RYR1: variants seen among roughly 807,000 people sequenced by gnomAD.
The protein encoded by RYR1 is ryanodine receptor 1.
In RYR1, 342 loss-of-function variants were observed where a neutral mutation model predicts 583.5. That is an observed-to-expected ratio of 0.59 (90% CI 0.54 to 0.64). The LOEUF (loss-of-function observed/expected upper bound fraction) is 0.64. Among genes scored for constraint, RYR1 ranks in the 30% least tolerant of loss-of-function variants. The probability of loss-of-function intolerance (pLI) is 0.00; values close to 1 mark genes in which losing one functional copy is unlikely to be tolerated. For missense variants in RYR1, 6,032 were observed against 6,917.2 expected, an observed-to-expected ratio of 0.87 and a Z score of 4.54; for synonymous variants, 2,791 against 2,822.5, an observed-to-expected ratio of 0.99 and a Z score of 0.35.
intron 29 of RYR1, 46 bp downstream of exon 29, chr19:38,475,496 A>C (rs565337672): frequency 6.2e-7 from 1 of 1,610,390 alleles, no homozygotes; most frequent in African/African-American, 1.3e-5. Flanking sequence ...CGCATAGCAT[A>C]GGCACTCCTG....
chr19:38,511,899 G>A (rs1265199206), intron 61 of RYR1, among the ~76,000 whole-genome samples, 173 bp from the exon 62 acceptor site: 1 of 152,094 alleles, frequency 6.6e-6, no homozygotes, highest in East Asian at 1.9e-4. Flanking sequence ...TTGGGCTGGG[G>A]AGGAGGGACA....
In RYR1 at chr19:38,561,533, C is replaced by T; in HGVS notation, c.12624+79C>T. On this transcript the variant is annotated intron_variant, in intron 90 of 105. Coordinates refer to ENST00000359596, the MANE Select transcript of RYR1 (RefSeq NM_000540.3). This position sits in a 1 kb window ranked among gnomAD's most constrained non-coding sequence, Gnocchi z 4.8. Reference sequence around the variant, plus strand: ...GTGCTCACTTCCTGCACCCTCAGACCCCACGGGGGCTGTGCGTGCCTCGCA... The same window carrying T: ...GTGCTCACTTCCTGCACCCTCAGACTCCACGGGGGCTGTGCGTGCCTCGCA... 3 of 1,369,404 alleles carry T rather than the reference C, an allele frequency of 2.2e-6. No individual in the cohort carries two copies. 84.8% of individuals were successfully genotyped at this position (1,369,404 alleles called of 1,614,324 possible). A position where few individuals can be genotyped will look rare whatever the true frequency, so the allele number is the denominator to read the frequency against.
intron 33 of RYR1, among the ~76,000 whole-genome samples, chr19:38,485,236 ACCCCAGAGGTATCCCAGGGGC>A (rs1429535075): frequency 1.3e-5 from 2 of 152,010 alleles, no homozygotes; most frequent in Admixed American, 6.6e-5. Flanking sequence ...CATCCCAGGG[ACCCCAGAGGTATCCCAGGGGC>A]CCCCAGATCC....
In RYR1 at chr19:38,506,854, C is replaced by T. The variant is rs763400196; in HGVS notation, c.8718C>T (p.Val2906=). The change falls in exon 57 of 106, where the codon GTC becomes GTT. Residue 2906 remains valine (V), a synonymous_variant. Coordinates refer to ENST00000359596, the MANE Select transcript of RYR1 (RefSeq NM_000540.3). ...AKGGGTHPLL[V]PYDTLTAKEK... is the part of the protein sequence containing the mutation. Reference sequence around the variant, plus strand: ...GCGGTGGGACCCACCCCCTGCTGGTCCCCTACGACACGCTCACGGCCAAGG... The same window carrying T: ...GCGGTGGGACCCACCCCCTGCTGGTTCCCTACGACACGCTCACGGCCAAGG... The T allele has an allele frequency of 1.9e-6, 3 of 1,614,074 alleles. No homozygotes were observed. The highest frequency in any genetic ancestry group is 1.3e-5 in the African/African-American group (1 of 75,030).
intron 48 of RYR1, 46 bp downstream of exon 48, chr19:38,502,773 G>GCAGGGT (rs1568506352): frequency 9.6e-7 from 1 of 1,043,072 alleles, no homozygotes; most frequent in East Asian, 2.8e-5. Flanking sequence ...AGGGGCAGGG[G>GCAGGGT]CAGGGGCAGG....
intron 38 of RYR1, among the ~76,000 whole-genome samples, 170 bp downstream of exon 38, chr19:38,492,806 C>T (rs890887914): frequency 9.9e-5 from 15 of 151,828 alleles, no homozygotes; most frequent in Non-Finnish European, 1.6e-4. Flanking sequence ...TGGTGGCTCA[C>T]GCCTGTAATC....
At chr19:38,532,397 A>T in intron 76 of RYR1, 93 bp from the exon 77 acceptor site, 1 of 1,260,598 alleles carries the variant, frequency 7.9e-7, no homozygotes, top group Non-Finnish European at 1.2e-6. Context: ...TGTTGGGATT[A>T]CAGGCATGAG....
chr19:38,539,959 GGTT>G (rs1246702272), intron 84 of RYR1, among the ~76,000 whole-genome samples: 4 of 152,004 alleles, frequency 2.6e-5, no homozygotes, highest in African/African-American at 9.7e-5. Flanking sequence ...TAGAAAGCAG[GGTT>G]GATGGGAAAA....
At position 38,496,591 on chromosome 19, in the gene RYR1, C is replaced by T. The variant is rs778877431; in HGVS notation, c.6796+50C>T. 22 of 1,607,424 alleles carry T rather than the reference C, an allele frequency of 1.4e-5. No homozygotes were observed. In the South Asian group the frequency reaches 1.9e-4, roughly 14 times the overall value. Reference sequence around the variant, plus strand: ...TGTCCCCCAGAACCCACTCCTGGCACCCCGTCCAGGCCTGCCCCACTTTCC... The same window carrying T: ...TGTCCCCCAGAACCCACTCCTGGCATCCCGTCCAGGCCTGCCCCACTTTCC... On this transcript the variant is annotated intron_variant, in intron 41 of 105. Coordinates refer to ENST00000359596, the MANE Select transcript of RYR1 (RefSeq NM_000540.3). This position sits in a 1 kb window ranked among gnomAD's most constrained non-coding sequence, Gnocchi z 4.8.
rs982271145 is a variant in RYR1 at position 38,467,594 on chromosome 19, C to T, written c.3179-16C>T. 4.3e-6 allele frequency: 7 copies of T among 1,613,960 alleles called. No homozygotes were observed. The African/African-American group carries it at 9.3e-5, about 22-fold the overall frequency. Reference sequence around the variant, plus strand: ...TCTTCCCTAGCCTCTCTGACTCTGCCTGGCCTCATTTATAGGTCAGGTGGA... The same window carrying T: ...TCTTCCCTAGCCTCTCTGACTCTGCTTGGCCTCATTTATAGGTCAGGTGGA... On this transcript the variant is annotated splice_polypyrimidine_tract_variant and intron_variant, in intron 24 of 105. Coordinates refer to ENST00000359596, the MANE Select transcript of RYR1 (RefSeq NM_000540.3).
At chr19:38,524,002 C>G (rs73544616) in intron 70 of RYR1, 73 bp downstream of exon 70, 57 of 1,567,930 alleles carry the variant, frequency 3.6e-5, no homozygotes, top group Middle Eastern at 3.7e-4. Flanking sequence ...TGCACGCCCC[C>G]GCCTCGAGAA....
intron 76 of RYR1, among the ~76,000 whole-genome samples, chr19:38,531,725 C>G (rs1421363141): frequency 6.6e-6 from 1 of 152,086 alleles, no homozygotes; most frequent in African/African-American, 2.4e-5. Flanking sequence ...GGCAACATAG[C>G]AAGACCCTGT....
At chr19:38,436,945 G>A (rs908069990) in intron 1 of RYR1, among the ~76,000 whole-genome samples, 4 of 152,054 alleles carry the variant, frequency 2.6e-5, no homozygotes, top group African/African-American at 4.8e-5. Flanking sequence ...TAAACAGTAC[G>A]TATTCCCTGC....
At chr19:38,480,793 G>T (rs1968969689) in intron 31 of RYR1, among the ~76,000 whole-genome samples, 1 of 151,994 alleles carries the variant, frequency 6.6e-6, no homozygotes, top group East Asian at 1.9e-4. Context: ...CACCCAGTCT[G>T]GAGTGCAGTG....
chr19:38,546,406 G>T, intron 87 of RYR1, 39 bp from the exon 88 acceptor site: 1 of 1,573,656 alleles, frequency 6.4e-7, no homozygotes, highest in Non-Finnish European at 8.7e-7. Flanking sequence ...TGGGGGAGGT[G>T]TATGCTGAGA....
At position 38,586,518 on chromosome 19, in the gene RYR1, C is replaced by T. The variant is rs759488377; in HGVS notation, c.14970-7C>T. On this transcript the variant is annotated splice_region_variant and splice_polypyrimidine_tract_variant and intron_variant, in intron 104 of 105. Transcript: ENST00000359596. ...TGACTTGTCTCCTGTGGTCCTCTCA[C>T]CCTCAGGTTTTTCCTGATGTATTTG... The T allele has an allele frequency of 5.0e-6, 8 of 1,613,536 alleles. No homozygotes were observed. The African/African-American group carries it at 1.1e-4, about 22-fold the overall frequency.
At chr19:38,454,856 TG>T (rs749977064) in intron 13 of RYR1, among the ~76,000 whole-genome samples, 1 of 151,452 alleles carries the variant, frequency 6.6e-6, no homozygotes, top group Non-Finnish European at 1.5e-5. Flanking sequence ...GAGAATGAAC[TG>T]GGCCTCTCCA....
At position 38,469,415 on chromosome 19, in the gene RYR1, G is replaced by A. The variant is rs936513262; in HGVS notation, c.3667G>A (p.Glu1223Lys). 27 of 1,614,088 alleles carry A rather than the reference G, an allele frequency of 1.7e-5. No homozygotes were observed. Among genetic ancestry groups the A allele is most frequent in the South Asian group, 4.4e-5 (4 of 91,078 alleles). Reference protein sequence around the residue: ...FAICGLQEGFEPFAINMQRPV... With the variant: ...FAICGLQEGFKPFAINMQRPV... ...CATCTGTGGCCTCCAGGAAGGCTTC[G>A]AGCCATTTGCCATCAACATGCAGCG... Residue 1223 changes from glutamate (E) to lysine (K), a missense_variant, in exon 27 of 106, where the codon GAG (glutamate) becomes AAG (lysine). Coordinates refer to ENST00000359596, the MANE Select transcript of RYR1 (RefSeq NM_000540.3).
In RYR1 at chr19:38,556,364, C is replaced by T. The variant is rs1185071647; in HGVS notation, c.12283-4749C>T. On this transcript the variant is annotated intron_variant, in intron 89 of 105. Coordinates refer to ENST00000359596, the MANE Select transcript of RYR1 (RefSeq NM_000540.3). ...AGGTGTAGTAGTGCATATCTGTAGT[C>T]CCAGTTACTGGGGAGGCTGAGGCAG... Among the ~76,000 whole-genome samples, 3 of 151,790 alleles carry T rather than the reference C, an allele frequency of 2.0e-5. No homozygotes were observed. The East Asian group carries it at 5.9e-4, about 30-fold the overall frequency.
Sources: gnomAD v4.1 joint callset for allele counts (sites outside exome capture counted in the v4.1 genomes callset) on GRCh38, gnomAD v4.1.1 for gene constraint, Gnocchi (gnomAD v3.1) non-coding constraint, MANE v1.5 for transcripts, NCBI Gene and HGNC (gene_info 2026-07-23, HGNC 2026-07-21) for gene names.